The following PID1 variants were observed in gnomAD, a reference collection of about 807,000 sequenced individuals.
PID1 encodes the protein phosphotyrosine interaction domain containing 1, also known as PTB-containing, cubilin and LRP1-interacting protein.
In PID1, 10 loss-of-function variants were observed where a neutral mutation model predicts 19.1. The ratio of observed to expected loss-of-function variants is 0.52; its 90% CI spans 0.32 to 0.89. PID1 has a LOEUF of 0.89. PID1 is among the 40% of genes least tolerant of loss of function. The pLI is 0.03. For missense variants in PID1, 248 were observed against 285.3 expected, an observed-to-expected ratio of 0.87 and a Z score of 0.94; for synonymous variants, 130 against 116.0, an observed-to-expected ratio of 1.12 and a Z score of -0.78.
intron 2 of PID1, among the ~76,000 whole-genome samples, chr2:229,032,991 C>T (rs1574570181): frequency 6.6e-6 from 1 of 152,244 alleles, no homozygotes; most frequent in Non-Finnish European, 1.5e-5. Flanking sequence ...ATGAGTTTTC[C>T]AACACCCCAG....
chr2:229,090,454 A>G (rs1042043626), intron 2 of PID1, among the ~76,000 whole-genome samples: 4 of 152,130 alleles, frequency 2.6e-5, no homozygotes, highest in African/African-American at 9.7e-5. Flanking sequence ...GCCTCCCTGG[A>G]AGGTCATGAG....
At chr2:229,262,577 T>C (rs2106292872) in intron 1 of PID1, 1 of 1,441,270 alleles carries the variant, frequency 6.9e-7, no homozygotes, top group South Asian at 1.5e-5. Flanking sequence ...TGACCAAACA[T>C]AGTCAAGAGG....
intron 1 of PID1, among the ~76,000 whole-genome samples, chr2:229,252,447 A>G (rs1398520423): frequency 6.6e-6 from 1 of 152,178 alleles, no homozygotes; most frequent in African/African-American, 2.4e-5. Flanking sequence ...GCCAGCACAC[A>G]TCCTTTCCAG....
chr2:229,100,630 A>G (rs1695056043), intron 2 of PID1, among the ~76,000 whole-genome samples: 2 of 152,188 alleles, frequency 1.3e-5, no homozygotes, highest in Admixed American at 1.3e-4. Context: ...AATATAGATA[A>G]TTCACCCTCT....
At chr2:229,130,822 C>T (rs1323564460) in intron 2 of PID1, among the ~76,000 whole-genome samples, 2 of 152,154 alleles carry the variant, frequency 1.3e-5, no homozygotes, top group African/African-American at 4.8e-5. Context: ...TTTATTTTCT[C>T]ACAGTTCTGG....
At chr2:229,228,143 T>C in intron 1 of PID1, 1 of 441,626 alleles carries the variant, frequency 2.3e-6, no homozygotes, top group Non-Finnish European at 4.6e-6. Flanking sequence ...ACCTGCAATT[T>C]TGATGGGATC....
intron 2 of PID1, among the ~76,000 whole-genome samples, chr2:229,044,668 G>A (rs1426229738): frequency 6.6e-6 from 1 of 152,106 alleles, no homozygotes; most frequent in Non-Finnish European, 1.5e-5. Flanking sequence ...TGAGGAAATG[G>A]CCATCACAGC....
intron 2 of PID1, among the ~76,000 whole-genome samples, chr2:229,054,719 TG>T (rs59290972): frequency 0.092 from 1,645 of 17,940 alleles, 50 homozygotes; most frequent in Middle Eastern, 0.17. Flanking sequence ...TGTGTGTGTG[TG>T]GGGGGGGGGG....
At chr2:229,228,123 G>A (rs923300816) in intron 1 of PID1, 7 of 447,172 alleles carry the variant, frequency 1.6e-5, no homozygotes, top group Non-Finnish European at 2.7e-5. Flanking sequence ...CAAGAGAATC[G>A]AGATAAAGAA....
chr2:229,079,650 G>C (rs17613877), intron 2 of PID1, among the ~76,000 whole-genome samples: 30,411 of 152,140 alleles, frequency 0.2, 3,941 homozygotes, highest in East Asian at 0.55. Context: ...ATTTCAAGAA[G>C]TGGGTTTTTA....
Position 229,108,775 on chromosome 2 carries a change from T to C in PID1, c.177+47043A>G, listed in dbSNP as rs1346713199. Among the ~76,000 whole-genome samples the C allele has an allele frequency of 2.6e-5, 4 of 152,252 alleles. No homozygotes were observed. The South Asian group carries it at 8.3e-4, about 32-fold the overall frequency. Reference sequence around the variant, plus strand: ...GGAGATCCCTGTTGTCTAAGGAGCCTGGACACAGTCGTCTGAGTGATGGGC... The same window carrying C: ...GGAGATCCCTGTTGTCTAAGGAGCCCGGACACAGTCGTCTGAGTGATGGGC... On this transcript the variant is annotated intron_variant, in intron 2 of 2. Transcript: ENST00000392055.
chr2:229,089,327 A>G (rs1347078955), intron 2 of PID1, among the ~76,000 whole-genome samples: 1 of 152,212 alleles, frequency 6.6e-6, no homozygotes, highest in African/African-American at 2.4e-5. Flanking sequence ...GGACTTTGGT[A>G]TATTCTGTTC....
intron 2 of PID1, among the ~76,000 whole-genome samples, chr2:229,128,432 G>A (rs753710807): frequency 6.6e-6 from 1 of 152,090 alleles, no homozygotes; most frequent in Non-Finnish European, 1.5e-5. Flanking sequence ...AACTCCAAGC[G>A]TTTCAAGTTG....
chr2:229,208,480 A>C (rs1359398290), intron 1 of PID1, among the ~76,000 whole-genome samples: 1 of 152,228 alleles, frequency 6.6e-6, no homozygotes, highest in Non-Finnish European at 1.5e-5. Context: ...ATTTTAGATC[A>C]AACAGAATAG....
intron 1 of PID1, among the ~76,000 whole-genome samples, chr2:229,218,862 G>T (rs774908492): frequency 4.1e-4 from 63 of 152,158 alleles, no homozygotes; most frequent in Non-Finnish European, 8.1e-4. Flanking sequence ...TTACTCAACA[G>T]AAACCCTCTG....
chr2:229,105,545 A>G (rs965767516), intron 2 of PID1, among the ~76,000 whole-genome samples: 2 of 152,238 alleles, frequency 1.3e-5, no homozygotes, highest in African/African-American at 2.4e-5. Flanking sequence ...CAATTGTTCA[A>G]GTGCCACCAG....
chr2:229,174,226 C>T (rs1205307993), intron 1 of PID1, among the ~76,000 whole-genome samples: 1 of 152,148 alleles, frequency 6.6e-6, no homozygotes, highest in Non-Finnish European at 1.5e-5. Context: ...AGTGGACTTG[C>T]TGTGTGTGCA....
intron 1 of PID1, among the ~76,000 whole-genome samples, chr2:229,186,124 C>G (rs1482060741): frequency 6.6e-6 from 1 of 152,148 alleles, no homozygotes; most frequent in Non-Finnish European, 1.5e-5. Flanking sequence ...CTTAAAGCTC[C>G]AAAATGACCT....
At chr2:229,146,892 C>T (rs1390442029) in intron 2 of PID1, among the ~76,000 whole-genome samples, 1 of 152,120 alleles carries the variant, frequency 6.6e-6, no homozygotes, top group East Asian at 1.9e-4. Context: ...TACTAAAATG[C>T]AGGGGGCAAA....
Sources: gnomAD v4.1 joint callset for allele counts (sites outside exome capture counted in the v4.1 genomes callset) on GRCh38, gnomAD v4.1.1 for gene constraint, MANE v1.5 for transcripts, NCBI Gene and HGNC (gene_info 2026-07-23, HGNC 2026-07-21) for gene names.